KLF17: variants seen among roughly 807,000 people sequenced by gnomAD.
KLF17 encodes Krueppel-like factor 17.
Under a neutral mutation model 34.2 loss-of-function variants are expected in KLF17, and 31 were observed. That is an observed-to-expected ratio of 0.91 (90% CI 0.68 to 1.22). KLF17 has a LOEUF of 1.22. Among genes scored for constraint, KLF17 ranks in the 50% most tolerant of loss-of-function variants. The probability of loss-of-function intolerance (pLI) is 0.00; values close to 1 mark genes in which losing one functional copy is unlikely to be tolerated. For synonymous variants in KLF17, 179 were observed against 186.7 expected, an observed-to-expected ratio of 0.96 and a Z score of 0.34; for missense variants, 478 against 505.2, an observed-to-expected ratio of 0.95 and a Z score of 0.52.
intron 3 of KLF17, 37 bp downstream of exon 3, chr1:44,130,793 C>A (rs372088384): frequency 6.2e-7 from 1 of 1,601,698 alleles, no homozygotes; most frequent in Non-Finnish European, 8.5e-7. Flanking sequence ...TTTCTTTTTC[C>A]TTTTTTCCTT....
the KLF17 span, among the ~76,000 whole-genome samples, chr1:44,059,737 G>A: frequency 6.6e-6 from 1 of 151,792 alleles, no homozygotes; most frequent in Non-Finnish European, 1.5e-5. Flanking sequence ...TCTATCTTTT[G>A]CATCCACTGT....
chr1:44,122,523 C>G (rs2087959936), intron 1 of KLF17: 1 of 878,850 alleles, frequency 1.1e-6, no homozygotes, highest in Non-Finnish European at 2.0e-6. Flanking sequence ...CCTAGCGGTG[C>G]CATCACCCTT....
At chr1:44,068,654 C>T in the KLF17 span, among the ~76,000 whole-genome samples, 5 of 152,204 alleles carry the variant, frequency 3.3e-5, no homozygotes, top group Non-Finnish European at 7.3e-5. Flanking sequence ...ATTCTGGCCT[C>T]ACAGGAGGGC....
the KLF17 span, among the ~76,000 whole-genome samples, chr1:44,099,964 C>T: frequency 2.7e-5 from 4 of 149,886 alleles, no homozygotes; most frequent in Non-Finnish European, 5.9e-5. Context: ...GGGCTGGGCA[C>T]CGTTGCTCAC....
chr1:44,049,823 A>G, the KLF17 span, among the ~76,000 whole-genome samples: 1 of 152,228 alleles, frequency 6.6e-6, no homozygotes, highest in Admixed American at 6.5e-5. Context: ...CTGTGCTGTT[A>G]TGTATAGTAG....
chr1:44,100,753 C>T, the KLF17 span, among the ~76,000 whole-genome samples: 1 of 152,028 alleles, frequency 6.6e-6, no homozygotes. Flanking sequence ...CCTCCTGGGT[C>T]CAAGCAATTC....
the KLF17 span, chr1:44,104,210 C>A: frequency 1.8e-5 from 20 of 1,086,922 alleles, no homozygotes; most frequent in African/African-American, 3.1e-4. Context: ...GATTCTCCAT[C>A]TCTGTACGCT....
the KLF17 span, among the ~76,000 whole-genome samples, chr1:44,061,410 G>A: frequency 6.8e-4 from 103 of 152,306 alleles, no homozygotes; most frequent in African/African-American, 2.4e-3. Context: ...GTGAGACTCA[G>A]ACTCTGGACC....
rs149226855 is a variant in KLF17, at chr1:44,129,616, G to C, written c.345G>C (p.Gln115His). The C allele has an allele frequency of 4.3e-6, 7 of 1,614,052 alleles. No individual in the cohort carries two copies. In the African/African-American group the frequency reaches 6.7e-5, roughly 15 times the overall value. The change falls in exon 2 of 4, where the codon CAG becomes CAC. Residue 115 changes from glutamine to histidine, a missense_variant. Coordinates refer to ENST00000372299, the MANE Select transcript of KLF17 (RefSeq NM_173484.4). ...TLTPSRMIYC[Q>H]RMSPPQQEMT... ...CTCCTTCCCGGATGATTTACTGTCA[G>C]AGAATGTCTCCCCCTCAGCAAGAGA...
upstream of KLF17, among the ~76,000 whole-genome samples, chr1:44,118,282 G>A (rs183556449): frequency 2.6e-5 from 4 of 152,328 alleles, no homozygotes; most frequent in African/African-American, 9.6e-5. Flanking sequence ...CTAGTTCAGA[G>A]ATCAGTGCCC....
the KLF17 span, among the ~76,000 whole-genome samples, chr1:44,089,936 C>T: frequency 1.3e-4 from 19 of 151,778 alleles, no homozygotes; most frequent in African/African-American, 3.1e-4. Context: ...CCAAGGGGGG[C>T]GGATCACTTG....
At chr1:44,087,174 T>C in the KLF17 span, among the ~76,000 whole-genome samples, 4 of 152,174 alleles carry the variant, frequency 2.6e-5, no homozygotes, top group Non-Finnish European at 5.9e-5. Flanking sequence ...TGAGGAAGTG[T>C]ATTGGTCAGT....
In KLF17 at chr1:44,132,045, G is replaced by A. The variant is rs191274952; in HGVS notation, c.*1-1193G>A. Among the ~76,000 whole-genome samples the A allele has an allele frequency of 2.6e-4, 39 of 152,210 alleles. No homozygotes were observed. The East Asian group carries it at 3.7e-3, about 14-fold the overall frequency. On this transcript the variant is annotated intron_variant, in intron 3 of 3. Transcript: ENST00000372299. ...TTTGAGGCCGGGCGCAGTGGCTCAC[G>A]CCTGTAATCCCAATACTTTGGGAGG... is the stretch of plus-strand genomic sequence containing the variant.
chr1:44,117,128 T>G (rs544152494), upstream of KLF17: 1 of 152,322 alleles, frequency 6.6e-6, no homozygotes, highest in Admixed American at 6.5e-5. Flanking sequence ...TTGCCAAGGT[T>G]GGAGTGCACT....
At chr1:44,055,757 C>A in the KLF17 span, among the ~76,000 whole-genome samples, 1 of 152,178 alleles carries the variant, frequency 6.6e-6, no homozygotes, top group African/African-American at 2.4e-5. Context: ...ACCCAAGGCT[C>A]AGAAGAATAT....
At chr1:44,054,087 C>T in the KLF17 span, among the ~76,000 whole-genome samples, 58 of 152,248 alleles carry the variant, frequency 3.8e-4, no homozygotes, top group Non-Finnish European at 4.7e-4. Context: ...AGATGAAAAC[C>T]CTGCTCTATT....
chr1:44,080,236 C>CTTTTT, the KLF17 span, among the ~76,000 whole-genome samples: 6 of 94,130 alleles, frequency 6.4e-5, no homozygotes, highest in Non-Finnish European at 7.9e-5. Context: ...CCCTCTGTGT[C>CTTTTT]TTTTTTTTTT....
At chr1:44,054,106 G>A in the KLF17 span, among the ~76,000 whole-genome samples, 5 of 152,324 alleles carry the variant, frequency 3.3e-5, no homozygotes, top group South Asian at 2.1e-4. Context: ...TTTCAGGGCC[G>A]TTTTCTTGGG....
At chr1:44,112,816 T>C in the KLF17 span, among the ~76,000 whole-genome samples, 2 of 152,214 alleles carry the variant, frequency 1.3e-5, no homozygotes. Flanking sequence ...AAGGAAAGCT[T>C]GGACTGGGCA....
Sources: allele counts gnomAD v4.1 joint callset (sites outside exome capture counted in the v4.1 genomes callset), GRCh38; gene constraint gnomAD v4.1.1; transcripts MANE v1.5; gene names NCBI Gene and HGNC (gene_info 2026-07-23, HGNC 2026-07-21).